Variants in DKK3 observed in about 807,000 individuals in gnomAD.
The protein encoded by DKK3 is dickkopf Wnt signaling pathway inhibitor 3.
In DKK3, 22 loss-of-function variants were observed where a neutral mutation model predicts 33.2. The observed-to-expected ratio is 0.66, with a 90% CI of 0.47 to 0.95. DKK3 has a LOEUF of 0.95. DKK3 is among the 40% of genes least tolerant of loss of function. The pLI, the probability that DKK3 is intolerant of heterozygous loss-of-function variation, is 0.00. For synonymous variants in DKK3, 194 were observed against 188.8 expected (o/e 1.03, Z -0.23); for missense variants, 398 against 458.4 (o/e 0.87, Z 1.20).
chr11:11,978,449 C>G (rs1341960495), intron 3 of DKK3, among the ~76,000 whole-genome samples: 1 of 151,316 alleles, frequency 6.6e-6, no homozygotes, highest in Non-Finnish European at 1.5e-5. Context: ...TCTTCCTCTT[C>G]TTCTTCCTCT....
intron 3 of DKK3, among the ~76,000 whole-genome samples, chr11:11,995,664 C>A (rs1158410716): frequency 1.3e-5 from 2 of 152,220 alleles, no homozygotes; most frequent in Non-Finnish European, 2.9e-5. Context: ...TATTAATGCA[C>A]AATGGCTTGC....
At chr11:11,978,558 G>A (rs546233429) in intron 3 of DKK3, among the ~76,000 whole-genome samples, 1 of 136,738 alleles carries the variant, frequency 7.3e-6, no homozygotes, top group South Asian at 2.3e-4. Context: ...ACTTTTTTTT[G>A]TAGAGATGGG....
intron 3 of DKK3, among the ~76,000 whole-genome samples, chr11:11,974,915 A>T (rs1847800345): frequency 6.6e-6 from 1 of 152,066 alleles, no homozygotes; most frequent in Admixed American, 6.5e-5. Flanking sequence ...AAAAAAAAAG[A>T]ATAACAGAAA....
rs144491438 is a variant in DKK3, at chr11:12,002,765, A to G, written c.214-328T>C. ...GGATTTGAACATGTTTCCACTAGATAGTCTTGCTCCCTGTGTAAACGCTGT... is the reference window on the plus strand; with the variant it reads ...GGATTTGAACATGTTTCCACTAGATGGTCTTGCTCCCTGTGTAAACGCTGT... On this transcript the variant is annotated intron_variant, in intron 1 of 6. Transcript: ENST00000683431. Among the ~76,000 whole-genome samples, 114 of 152,280 alleles carry G rather than the reference A, an allele frequency of 7.5e-4. No individual in the cohort carries two copies. The Middle Eastern group carries it at 0.01, about 14-fold the overall frequency.
chr11:11,971,222 G>A (rs1847719077), intron 3 of DKK3, among the ~76,000 whole-genome samples: 1 of 152,118 alleles, frequency 6.6e-6, no homozygotes, highest in African/African-American at 2.4e-5. Context: ...TAACAAAAAT[G>A]TCCAACCAGA....
At chr11:11,964,727 G>A (rs1164333560) in intron 6 of DKK3, 41 bp from the exon 7 acceptor site, 10 of 1,582,392 alleles carry the variant, frequency 6.3e-6, no homozygotes, top group Non-Finnish European at 8.6e-6. Flanking sequence ...AAACGTGGGA[G>A]CCTGCCCAGG....
chr11:11,984,351 C>T (rs1848019802), intron 3 of DKK3, among the ~76,000 whole-genome samples: 1 of 152,156 alleles, frequency 6.6e-6, no homozygotes, highest in Non-Finnish European at 1.5e-5. Context: ...TCTCTAAGTG[C>T]TGAGCATAAA....
At chr11:11,979,107 C>G (rs1473010916) in intron 3 of DKK3, 1 of 152,404 alleles carries the variant, frequency 6.6e-6, no homozygotes, top group Non-Finnish European at 1.5e-5. Flanking sequence ...TGAATCACAA[C>G]AGCGAGAACC....
At chr11:11,966,415 G>C (rs944684961) in intron 5 of DKK3, among the ~76,000 whole-genome samples, 1 of 152,190 alleles carries the variant, frequency 6.6e-6, no homozygotes, top group African/African-American at 2.4e-5. Flanking sequence ...TGAACATCGT[G>C]GGAGACAACA....
intron 5 of DKK3, among the ~76,000 whole-genome samples, chr11:11,966,634 G>T (rs762402925): frequency 1.3e-5 from 2 of 152,112 alleles, no homozygotes; most frequent in African/African-American, 4.8e-5. Flanking sequence ...GAGTGGAAGC[G>T]GGTGATTCAC....
chr11:12,004,500 T>C (rs776795549), intron 1 of DKK3, among the ~76,000 whole-genome samples: 1 of 152,150 alleles, frequency 6.6e-6, no homozygotes, highest in Non-Finnish European at 1.5e-5. Context: ...AGATGGCCAC[T>C]GGATGAGTCA....
At chr11:11,964,739 C>T (rs370166416) in intron 6 of DKK3, 53 bp from the exon 7 acceptor site, 50 of 1,572,084 alleles carry the variant, frequency 3.2e-5, no homozygotes, top group Admixed American at 5.6e-5. Flanking sequence ...CTGCCCAGGC[C>T]GAAAGCTAAG....
upstream of DKK3, chr11:12,008,801 G>A (rs1848599959): frequency 1.7e-6 from 2 of 1,181,798 alleles, no homozygotes; most frequent in South Asian, 4.2e-5. This position sits in a 1 kb window ranked among gnomAD's most constrained non-coding sequence, Gnocchi z 4.6. Context: ...ACCCGCTCCA[G>A]CCCGAGCCCC....
chr11:11,985,212 C>A (rs1564915707), intron 3 of DKK3, among the ~76,000 whole-genome samples: 1 of 152,140 alleles, frequency 6.6e-6, no homozygotes, highest in South Asian at 2.1e-4. Context: ...GTGCTTCCGG[C>A]TGGGGCTAGG....
At chr11:11,964,958 G>A (rs537138697) in intron 6 of DKK3, among the ~76,000 whole-genome samples, 4 of 152,298 alleles carry the variant, frequency 2.6e-5, no homozygotes, top group African/African-American at 9.6e-5. Context: ...GCAGCCCAGG[G>A]GCAGGACCTG....
chr11:11,980,817 TG>T (rs1475586643), intron 3 of DKK3, among the ~76,000 whole-genome samples: 1 of 152,122 alleles, frequency 6.6e-6, no homozygotes, highest in African/African-American at 2.4e-5. Context: ...AAGATTCAGA[TG>T]GGAGGGCTGT....
At chr11:12,009,133 G>A (rs912050682), upstream of DKK3, 11 of 985,304 alleles carry the variant, frequency 1.1e-5, no homozygotes, top group African/African-American at 1.9e-4. Flanking sequence ...GCTGAGCTCA[G>A]CAGAGTCGTC....
intron 2 of DKK3, 90 bp from the exon 3 acceptor site, chr11:11,998,869 G>T: frequency 8.0e-7 from 1 of 1,254,868 alleles, no homozygotes; most frequent in South Asian, 1.2e-5. Flanking sequence ...TCCATTTTCT[G>T]AAGCAGGAGC....
At chr11:11,989,766 G>T (rs1200134210) in intron 3 of DKK3, among the ~76,000 whole-genome samples, 1 of 152,164 alleles carries the variant, frequency 6.6e-6, no homozygotes, top group Non-Finnish European at 1.5e-5. Context: ...TTAAGAACAT[G>T]AGTCTTGGAA....
Sources: allele counts gnomAD v4.1 joint callset (sites outside exome capture counted in the v4.1 genomes callset), GRCh38; gene constraint gnomAD v4.1.1; non-coding constraint Gnocchi (gnomAD v3.1); transcripts MANE v1.5; gene names NCBI Gene and HGNC (gene_info 2026-07-23, HGNC 2026-07-21).